The following FAM210A variants were observed in gnomAD, a reference collection of about 807,000 sequenced individuals.
FAM210A encodes the protein family with sequence similarity 210 member A.
In FAM210A, 13 loss-of-function variants were observed where a neutral mutation model predicts 25.3. That is an observed-to-expected ratio of 0.51 (90% CI 0.33 to 0.82). The LOEUF is 0.82. Among genes scored for constraint, FAM210A ranks in the 40% least tolerant of loss-of-function variants. The probability of loss-of-function intolerance (pLI) is 0.02; values close to 1 mark genes in which losing one functional copy is unlikely to be tolerated. For synonymous variants in FAM210A, 125 were observed against 118.7 expected, an observed-to-expected ratio of 1.05 and a Z score of -0.35; for missense variants, 319 against 323.2, an observed-to-expected ratio of 0.99 and a Z score of 0.10.
At chr18:13,695,335 A>G (rs1243887824) in intron 1 of FAM210A, among the ~76,000 whole-genome samples, 2 of 152,196 alleles carry the variant, frequency 1.3e-5, no homozygotes, top group African/African-American at 4.8e-5. Context: ...GACTATAAAT[A>G]CCATTTGACC....
chr18:13,715,319 CT>C (rs1199999485), intron 1 of FAM210A: 1 of 152,186 alleles, frequency 6.6e-6, no homozygotes, highest in African/African-American at 2.4e-5. Flanking sequence ...CAGCCCAGAA[CT>C]CCTGGGCTCA....
chr18:13,702,610 T>G (rs966660527), intron 1 of FAM210A, among the ~76,000 whole-genome samples: 4 of 152,222 alleles, frequency 2.6e-5, no homozygotes, highest in Non-Finnish European at 4.4e-5. Flanking sequence ...GCTCTAAAAA[T>G]CATCCTGAGT....
chr18:13,693,715 C>G (rs1445732497), intron 1 of FAM210A, among the ~76,000 whole-genome samples: 2 of 152,190 alleles, frequency 1.3e-5, no homozygotes, highest in Non-Finnish European at 2.9e-5. Flanking sequence ...TAAAAACTCT[C>G]AATGAACTAG....
intron 1 of FAM210A, among the ~76,000 whole-genome samples, chr18:13,697,285 C>A (rs1046258666): frequency 2.6e-5 from 4 of 151,944 alleles, no homozygotes; most frequent in Non-Finnish European, 5.9e-5. Context: ...CTGAACAGAG[C>A]CCTCATTAAG....
At chr18:13,706,352 T>C (rs1253603981) in intron 1 of FAM210A, among the ~76,000 whole-genome samples, 1 of 147,432 alleles carries the variant, frequency 6.8e-6, no homozygotes. Flanking sequence ...GAAATGAAAA[T>C]GGGGGGGGGT....
chr18:13,723,834 T>C (rs80162152), intron 1 of FAM210A, among the ~76,000 whole-genome samples: 6,257 of 152,340 alleles, frequency 0.041, 147 homozygotes, highest in Middle Eastern at 0.065. Context: ...AATATTTTAT[T>C]TGTTCCAGAA....
chr18:13,701,858 T>A (rs999825560), intron 1 of FAM210A, among the ~76,000 whole-genome samples: 4 of 152,178 alleles, frequency 2.6e-5, no homozygotes, highest in Admixed American at 2.0e-4. Flanking sequence ...TGGGGTACAT[T>A]TTACTTGAGT....
At chr18:13,705,612 C>A (rs1303252087) in intron 1 of FAM210A, among the ~76,000 whole-genome samples, 1 of 152,114 alleles carries the variant, frequency 6.6e-6, no homozygotes, top group Admixed American at 6.5e-5. Flanking sequence ...GCTGGGACTA[C>A]AGGCGTGTGC....
At chr18:13,673,076 CTTCT>C (rs2043456798) in intron 2 of FAM210A, among the ~76,000 whole-genome samples, 1 of 151,772 alleles carries the variant, frequency 6.6e-6, no homozygotes, top group South Asian at 2.1e-4. Context: ...TGAGCCCCGA[CTTCT>C]TTATTTCCAA....
intron 1 of FAM210A, among the ~76,000 whole-genome samples, chr18:13,687,575 G>T (rs929634497): frequency 6.6e-6 from 1 of 152,142 alleles, no homozygotes; most frequent in Non-Finnish European, 1.5e-5. Flanking sequence ...TCAGATGGAC[G>T]TGCATACAAC....
At chr18:13,707,157 A>T (rs777672654) in intron 1 of FAM210A, among the ~76,000 whole-genome samples, 4 of 152,242 alleles carry the variant, frequency 2.6e-5, no homozygotes, top group Non-Finnish European at 4.4e-5. Flanking sequence ...TGACATGCTG[A>T]ATCTCGAAAC....
chr18:13,689,737 T>A (rs1278574028), intron 1 of FAM210A, among the ~76,000 whole-genome samples: 1 of 152,252 alleles, frequency 6.6e-6, no homozygotes, highest in African/African-American at 2.4e-5. Context: ...GCATATGATA[T>A]GATTGTTTTT....
intron 1 of FAM210A, among the ~76,000 whole-genome samples, chr18:13,682,759 C>T (rs1326905730): frequency 2.0e-5 from 3 of 152,160 alleles, no homozygotes; most frequent in African/African-American, 7.2e-5. Context: ...ATTCCAGCTA[C>T]TCGGGAGGCT....
rs2043394483 is a variant in FAM210A, at chr18:13,665,587, T to C, written c.*893A>G. On this transcript the variant is annotated 3_prime_UTR_variant, in exon 4 of 4. Transcript: ENST00000651643. The stretch of plus-strand genomic sequence containing the variant: ...TACCCCAAGGAGTTAGCAGTCTCCA[T>C]GAAAACCTGACTCCATTTTTAGTCT... The C allele has an allele frequency of 6.6e-6, 1 of 151,900 alleles. No homozygotes were observed. Among genetic ancestry groups the C allele is most frequent in the South Asian group, 2.1e-4 (1 of 4,818 alleles). 9.4% of individuals were successfully genotyped at this position (151,900 alleles called of 1,614,324 possible). A position where few individuals can be genotyped will look rare whatever the true frequency, so the allele number is the denominator to read the frequency against.
chr18:13,687,526 A>G (rs2043607730), intron 1 of FAM210A, among the ~76,000 whole-genome samples: 1 of 152,106 alleles, frequency 6.6e-6, no homozygotes, highest in Non-Finnish European at 1.5e-5. Context: ...GCAGAGTATG[A>G]CCTTCCAGGG....
chr18:13,714,940 T>C (rs565964623), intron 1 of FAM210A, among the ~76,000 whole-genome samples: 2 of 152,182 alleles, frequency 1.3e-5, no homozygotes, highest in Non-Finnish European at 2.9e-5. Flanking sequence ...TTTGTCCATA[T>C]TTTAAGTTCT....
At chr18:13,689,280 C>T (rs766156681) in intron 1 of FAM210A, among the ~76,000 whole-genome samples, 1 of 152,172 alleles carries the variant, frequency 6.6e-6, no homozygotes, top group Non-Finnish European at 1.5e-5. Flanking sequence ...GGCACGCCTT[C>T]GAGATGGCCC....
Position 13,681,926 on chromosome 18 carries a change from G to A in FAM210A, c.152C>T (p.Pro51Leu). 7.4e-6 allele frequency: 12 copies of A among 1,614,110 alleles called. No individual in the cohort carries two copies. Among genetic ancestry groups the A allele is most frequent in the Non-Finnish European group, 1.0e-5 (12 of 1,180,020 alleles). ...AESKVVLVQG[P>L]QKQWLHLSAA... ...AGATAAATGCAACCATTGTTTTTGA[G>A]GGCCTTGTACCAAAACCACTTTGGA... is the stretch of plus-strand genomic sequence containing the variant. The change falls in exon 2 of 4, where the codon CCT becomes CTT. Residue 51 changes from proline (P) to leucine (L), a missense_variant. Coordinates refer to ENST00000651643, the MANE Select transcript of FAM210A (RefSeq NM_152352.4).
intron 3 of FAM210A, among the ~76,000 whole-genome samples, chr18:13,670,449 A>C (rs746129902): frequency 3.9e-5 from 6 of 152,236 alleles, no homozygotes; most frequent in Non-Finnish European, 7.3e-5. Context: ...GAGGATGCTA[A>C]TGAGGATGAC....
Sources: gnomAD v4.1 joint callset for allele counts (sites outside exome capture counted in the v4.1 genomes callset) on GRCh38, gnomAD v4.1.1 for gene constraint, MANE v1.5 for transcripts, NCBI Gene and HGNC (gene_info 2026-07-23, HGNC 2026-07-21) for gene names.